Variants in SUSD1 observed in about 807,000 individuals in gnomAD.
The protein encoded by SUSD1 is sushi domain-containing protein 1.
Under a neutral mutation model 86.9 loss-of-function variants are expected in SUSD1, and 65 were observed. The observed-to-expected ratio is 0.75, with a 90% confidence interval of 0.61 to 0.92. SUSD1 has a LOEUF of 0.92. Ranked by LOEUF, SUSD1 falls within the 40% of genes least tolerant of loss-of-function variation. SUSD1 has a pLI of 0.00. For missense variants in SUSD1, 850 were observed against 929.7 expected (o/e 0.91, Z 1.11); for synonymous variants, 346 against 350.0 (o/e 0.99, Z 0.13).
At chr9:112,116,817 A>G (rs1454192221) in intron 6 of SUSD1, among the ~76,000 whole-genome samples, 1 of 152,194 alleles carries the variant, frequency 6.6e-6, no homozygotes, top group Non-Finnish European at 1.5e-5. Flanking sequence ...ATGTCTAGGA[A>G]GGAAAGGAAG....
chr9:112,138,681 C>A (rs1046542936), intron 5 of SUSD1, among the ~76,000 whole-genome samples: 1 of 152,120 alleles, frequency 6.6e-6, no homozygotes, highest in Non-Finnish European at 1.5e-5. Flanking sequence ...AACTCCTGAC[C>A]TCGTGATCAG....
chr9:112,149,139 C>T (rs1832933735), intron 3 of SUSD1, 105 bp downstream of exon 3: 1 of 1,445,920 alleles, frequency 6.9e-7, no homozygotes, highest in Non-Finnish European at 9.5e-7. Flanking sequence ...TACCATTATG[C>T]CATCTAACAA....
At chr9:112,140,846 A>G (rs528286790) in intron 5 of SUSD1, among the ~76,000 whole-genome samples, 185 of 152,382 alleles carry the variant, frequency 1.2e-3, no homozygotes, top group Admixed American at 3.1e-3. Context: ...CTACTCACTT[A>G]GGCTGTATGG....
In SUSD1 at chr9:112,041,930, C is replaced by T; in HGVS notation, c.2180G>A (p.Gly727Asp). Residue 727 changes from glycine (G) to aspartate (D), a missense_variant, in exon 16 of 17, where the codon GGT becomes GAT. By Grantham distance (94) the Gly-to-Asp change is moderately conservative. Transcript: ENST00000374270. ...AACAGCCAGGGAACCCAGTCCAACA[C>T]CCGCCATCTGCAGCAGCATGAGTGA... ...DSSLMLLQMAGVGLGSLAVVI... is the reference protein window; with the variant it reads ...DSSLMLLQMADVGLGSLAVVI... 1 of 1,614,058 alleles carries T rather than the reference C, an allele frequency of 6.2e-7. No homozygotes were observed. The highest frequency in any genetic ancestry group is 1.1e-5 in the South Asian group (1 of 91,078).
chr9:112,092,205 C>T (rs927668746), intron 10 of SUSD1, among the ~76,000 whole-genome samples: 1 of 152,208 alleles, frequency 6.6e-6, no homozygotes, highest in African/African-American at 2.4e-5. Flanking sequence ...TCCAAATAAT[C>T]TAAATAACCT....
At position 112,136,584 on chromosome 9, in the gene SUSD1, G is replaced by T. The variant is rs1832276027; in HGVS notation, c.706+5736C>A. On this transcript the variant is annotated intron_variant, in intron 5 of 16. Transcript: ENST00000374270. ...ACATCCTATCACCTGGAACACAGATGGCAGACACAAGGTAAATGTGCTCTC... is the reference window on the plus strand; with the variant it reads ...ACATCCTATCACCTGGAACACAGATTGCAGACACAAGGTAAATGTGCTCTC... Among the ~76,000 whole-genome samples, 2 of 152,250 alleles carry T rather than the reference G, an allele frequency of 1.3e-5. 1 individual carries two copies. The highest frequency in any genetic ancestry group is 4.1e-4 in the South Asian group (2 of 4,820).
At chr9:112,126,578 C>T (rs1035052876) in intron 5 of SUSD1, among the ~76,000 whole-genome samples, 2 of 152,100 alleles carry the variant, frequency 1.3e-5, no homozygotes, top group Non-Finnish European at 2.9e-5. Context: ...TCTGTGAGTT[C>T]CCCGTTAACA....
intron 2 of SUSD1, among the ~76,000 whole-genome samples, chr9:112,154,605 C>T (rs1277880459): frequency 6.6e-6 from 1 of 152,092 alleles, no homozygotes. Flanking sequence ...ATAGTTAGGC[C>T]AAGTGTCCGT....
At chr9:112,103,764 A>G (rs960113344) in intron 8 of SUSD1, among the ~76,000 whole-genome samples, 1 of 152,208 alleles carries the variant, frequency 6.6e-6, no homozygotes, top group Non-Finnish European at 1.5e-5. Context: ...AGTATGGAAG[A>G]GCCGGGGCTA....
At chr9:112,130,555 A>G (rs1831979739) in intron 5 of SUSD1, among the ~76,000 whole-genome samples, 1 of 150,390 alleles carries the variant, frequency 6.6e-6, no homozygotes, top group Non-Finnish European at 1.5e-5. Flanking sequence ...AAGGAAAGAA[A>G]AGAAAGGAAA....
chr9:112,091,301 A>C (rs75104233), intron 10 of SUSD1, among the ~76,000 whole-genome samples: 1 of 152,328 alleles, frequency 6.6e-6, no homozygotes, highest in South Asian at 2.1e-4. Context: ...GGTCTTAATT[A>C]TCTTTTGTTT....
intron 9 of SUSD1, among the ~76,000 whole-genome samples, chr9:112,099,333 A>G (rs1830531815): frequency 6.6e-6 from 1 of 152,122 alleles, no homozygotes; most frequent in African/African-American, 2.4e-5. Context: ...GAGCCATTGC[A>G]CCCAACCAAA....
At chr9:112,122,216 G>A (rs1488499933) in intron 6 of SUSD1, among the ~76,000 whole-genome samples, 1 of 152,152 alleles carries the variant, frequency 6.6e-6, no homozygotes, top group Non-Finnish European at 1.5e-5. Context: ...CCCCAGGCTG[G>A]AGTACAGGGA....
chr9:112,116,755 C>T (rs1831342253), intron 6 of SUSD1, among the ~76,000 whole-genome samples: 1 of 151,988 alleles, frequency 6.6e-6, no homozygotes, highest in Admixed American at 6.6e-5. Flanking sequence ...CAGGGGGGAA[C>T]CAGAGGAAAA....
At chr9:112,061,293 GC>G (rs1448459532) in intron 13 of SUSD1, among the ~76,000 whole-genome samples, 1 of 152,130 alleles carries the variant, frequency 6.6e-6, no homozygotes, top group African/African-American at 2.4e-5. Context: ...CAAAGCTGCT[GC>G]CCCCCAGCTC....
intron 5 of SUSD1, among the ~76,000 whole-genome samples, chr9:112,139,264 T>C (rs1211775088): frequency 6.6e-6 from 1 of 151,996 alleles, no homozygotes; most frequent in Non-Finnish European, 1.5e-5. Flanking sequence ...TGAACAAAGA[T>C]GGCACAGGAA....
chr9:112,073,603 A>T (rs1467729682), intron 12 of SUSD1, among the ~76,000 whole-genome samples: 1 of 151,440 alleles, frequency 6.6e-6, no homozygotes, highest in African/African-American at 2.4e-5. Flanking sequence ...AAAATAGCAT[A>T]CTCAGCTGGA....
intron 3 of SUSD1, among the ~76,000 whole-genome samples, chr9:112,144,755 T>C (rs1218453890): frequency 6.6e-6 from 1 of 152,186 alleles, no homozygotes; most frequent in Admixed American, 6.5e-5. Flanking sequence ...ACTAATTTTA[T>C]GAAAATGAGA....
chr9:112,172,947 G>A (rs1380363913), intron 1 of SUSD1, among the ~76,000 whole-genome samples: 2 of 152,172 alleles, frequency 1.3e-5, no homozygotes, highest in African/African-American at 4.8e-5. Flanking sequence ...ATAAGGAGAG[G>A]GGGCTCAACC....
Sources: gnomAD v4.1 joint callset for allele counts (sites outside exome capture counted in the v4.1 genomes callset) on GRCh38, gnomAD v4.1.1 for gene constraint, MANE v1.5 for transcripts, NCBI Gene and HGNC (gene_info 2026-07-23, HGNC 2026-07-21) for gene names.